Variants in WNT16 observed in about 807,000 individuals in gnomAD.
WNT16 encodes Wnt family member 16.
A neutral mutation model predicts 35.4 loss-of-function variants in WNT16; 20 were observed. The observed-to-expected ratio is 0.56, with a 90% CI of 0.40 to 0.82. The LOEUF (loss-of-function observed/expected upper bound fraction) is 0.82. Among genes scored for constraint, WNT16 ranks in the 40% least tolerant of loss-of-function variants. The pLI is 0.00. For synonymous variants in WNT16, 180 were observed against 179.2 expected (o/e 1.00, Z -0.03); for missense variants, 461 against 466.0 (o/e 0.99, Z 0.10).
rs922384178 is a variant in WNT16 at position 121,340,808 on chromosome 7, A to C, written c.*1463A>C. 5 of 152,252 alleles carry C rather than the reference A, an allele frequency of 3.3e-5. No homozygotes were observed. Among genetic ancestry groups the C allele is most frequent in the Non-Finnish European group, 5.9e-5 (4 of 67,960 alleles). 9.4% of individuals were successfully genotyped at this position (152,252 alleles called of 1,614,324 possible). On this transcript the variant is annotated 3_prime_UTR_variant, in exon 4 of 4. Coordinates refer to ENST00000222462, the MANE Select transcript of WNT16 (RefSeq NM_057168.2). ...TCATATTTTACAAGGTTCCTGGTAA[A>C]AATTACAGGGCTCTATTTAAGGATG...
At chr7:121,329,477 G>C (rs1562874670) in intron 1 of WNT16, 90 bp downstream of exon 1, 2 of 1,593,296 alleles carry the variant, frequency 1.3e-6, no homozygotes, top group Non-Finnish European at 1.7e-6. Context: ...GGGGGAGAAG[G>C]GCGGGGACCC....
upstream of WNT16, among the ~76,000 whole-genome samples, chr7:121,327,593 G>A (rs2707522): frequency 0.17 from 25,530 of 151,774 alleles, 2,321 homozygotes; most frequent in African/African-American, 0.22. Flanking sequence ...CTGGTGATCC[G>A]CCCATCTTGG....
In WNT16 at chr7:121,339,010, A is replaced by G; in HGVS notation, c.763A>G (p.Asn255Asp). 2 of 1,614,174 alleles carry G rather than the reference A, an allele frequency of 1.2e-6. No homozygotes were observed. The highest frequency in any genetic ancestry group is 1.3e-5 in the African/African-American group (1 of 75,058). The change falls in exon 4 of 4, where the codon AAC becomes GAC. Residue 255 changes from asparagine (N) to aspartate (D), a missense_variant. Physicochemically the swap from Asn to Asp is conservative, Grantham distance 23. Coordinates refer to ENST00000222462, the MANE Select transcript of WNT16 (RefSeq NM_057168.2). The part of the protein sequence containing the change: ...IGHLLKDKYE[N>D]SIQISDKTKR... ...CCATTTGTTGAAGGATAAATATGAA[A>G]ACAGTATCCAGATATCAGACAAAAC...
chr7:121,337,614 A>G (rs951502048), intron 3 of WNT16, among the ~76,000 whole-genome samples: 1 of 152,136 alleles, frequency 6.6e-6, no homozygotes, highest in African/African-American at 2.4e-5. Context: ...CGATTTATTA[A>G]TCTGTTCTGC....
intron 2 of WNT16, among the ~76,000 whole-genome samples, chr7:121,331,127 G>A (rs1295027734): frequency 6.6e-6 from 1 of 152,164 alleles, no homozygotes; most frequent in African/African-American, 2.4e-5. Flanking sequence ...TCTTTAATGT[G>A]AAAATATACG....
intron 3 of WNT16, among the ~76,000 whole-genome samples, chr7:121,335,726 A>G (rs1350040886): frequency 2.6e-5 from 4 of 151,980 alleles, no homozygotes; most frequent in Admixed American, 6.6e-5. Context: ...ATATACTTGC[A>G]TTTTCCACTT....
chr7:121,338,889 CA>C lies in WNT16; in HGVS notation c.644del (p.Lys215SerfsTer2). 6.2e-7 allele frequency: 1 copy of C among 1,611,514 alleles called. No homozygotes were observed. The stretch of plus-strand genomic sequence containing the variant: ...ATTACTGTTGGTTTCAGGCTGTCGC[CA>C]AGTTGATGTCAGTAGACTGCCGCTG... Reference protein sequence around the residue: ...NNEAGRQAVAKLMSVDCRCHG... With the variant: ...NNEAGRQAVAXLMSVDCRCHG... On this transcript the variant is annotated frameshift_variant, in exon 4 of 4. Transcript: ENST00000222462. LOFTEE classifies it high-confidence loss of function.
Position 121,329,645 on chromosome 7 carries a change from G to A in WNT16, c.174G>A (p.Glu58=). The part of the protein sequence containing the change: ...ANLPLNSRQK[E]LCKRKPYLLP... The stretch of plus-strand genomic sequence containing the variant: ...TGCCGCTGAACAGCCGCCAGAAGGA[G>A]CTGTGCAAGAGGAAACCGTACCTGC... Residue 58 remains glutamate (E), a synonymous_variant, in exon 2 of 4, where the codon GAG becomes GAA. Coordinates refer to ENST00000222462, the MANE Select transcript of WNT16 (RefSeq NM_057168.2). 1 of 1,614,214 alleles carries A rather than the reference G, an allele frequency of 6.2e-7. No individual in the cohort carries two copies.
rs569967141 is a variant in WNT16 at position 121,333,084 on chromosome 7, T to G, written c.633+1120T>G. On this transcript the variant is annotated intron_variant, in intron 3 of 3. Transcript: ENST00000222462. ...GTAATAAACTTTTTCAGGACAGAAA[T>G]ATTAGCACATATCATATATTCTTGT... 1.8e-4 allele frequency among the ~76,000 whole-genome samples: 28 copies of G among 152,136 alleles called. No homozygotes were observed. The South Asian group carries it at 5.8e-3, about 31-fold the overall frequency.
At chr7:121,332,214 A>C (rs886491908) in intron 3 of WNT16, among the ~76,000 whole-genome samples, 1 of 150,066 alleles carries the variant, frequency 6.7e-6, no homozygotes, top group South Asian at 2.1e-4. Flanking sequence ...GATGAATAGG[A>C]GGCTTTGATT....
chr7:121,337,476 T>G (rs931667651), intron 3 of WNT16, among the ~76,000 whole-genome samples: 1 of 152,244 alleles, frequency 6.6e-6, no homozygotes, highest in Non-Finnish European at 1.5e-5. Context: ...TAAGTGGAAT[T>G]TAAACTGTGA....
At chr7:121,337,327 C>T (rs2707467) in intron 3 of WNT16, among the ~76,000 whole-genome samples, 38,123 of 152,066 alleles carry the variant, frequency 0.25, 6,032 homozygotes, top group African/African-American at 0.46. Context: ...TATTTGTGTG[C>T]AATATTGTCT....
intron 3 of WNT16, among the ~76,000 whole-genome samples, chr7:121,337,445 T>G (rs1255534302): frequency 6.6e-6 from 1 of 152,218 alleles, no homozygotes; most frequent in Non-Finnish European, 1.5e-5. Flanking sequence ...CCCTGTCATT[T>G]TATTGTTTTC....
upstream of WNT16, among the ~76,000 whole-genome samples, chr7:121,328,830 C>G (rs565367676): frequency 6.6e-6 from 1 of 152,314 alleles, no homozygotes; most frequent in South Asian, 2.1e-4. Context: ...ACACGCTGTC[C>G]CTGAGGCCAG....
chr7:121,329,352 C>T lies in WNT16; in HGVS notation c.60C>T (p.Leu20=). ...TGTGCGCGCTGTGGGCAGCCCTGCT[C>T]GTGCTGTTCCCCTACGGAGCCCAAG... ...ARLCALWAAL[L]VLFPYGAQGN... The change falls in exon 1 of 4, where the codon CTC becomes CTT. Residue 20 remains leucine, a synonymous_variant. Transcript: ENST00000222462. The T allele has an allele frequency of 6.2e-7, 1 of 1,607,866 alleles. No individual in the cohort carries two copies. The highest frequency in any genetic ancestry group is 1.1e-5 in the South Asian group (1 of 90,178).
chr7:121,326,474 C>A (rs1169571518), upstream of WNT16, among the ~76,000 whole-genome samples: 1 of 152,176 alleles, frequency 6.6e-6, no homozygotes, highest in Non-Finnish European at 1.5e-5. Context: ...ACACAGTGGT[C>A]TCTGACTCTC....
Position 121,339,554 on chromosome 7 carries a change from G to A in WNT16, c.*209G>A. On this transcript the variant is annotated 3_prime_UTR_variant, in exon 4 of 4. Coordinates refer to ENST00000222462, the MANE Select transcript of WNT16 (RefSeq NM_057168.2). ...CATGTGGATTTCTTGGGATTCTAAT[G>A]TTGAAAAGGTTTATATTCACCTTTT... The A allele has an allele frequency of 3.7e-6, 2 of 541,666 alleles. No individual in the cohort carries two copies. Among genetic ancestry groups the A allele is most frequent in the Non-Finnish European group, 6.5e-6 (2 of 306,140 alleles). 33.6% of individuals were successfully genotyped at this position (541,666 alleles called of 1,614,324 possible). A position where few individuals can be genotyped will look rare whatever the true frequency, so the allele number is the denominator to read the frequency against.
Position 121,338,947 on chromosome 7 carries a change from A to G in WNT16, c.700A>G (p.Thr234Ala), listed in dbSNP as rs143816142. Residue 234 changes from threonine (T) to alanine (A), a missense_variant, in exon 4 of 4, where the codon ACA (threonine) becomes GCA (alanine). By Grantham distance (58) the Thr-to-Ala change is moderately conservative (BLOSUM62 0). Coordinates refer to ENST00000222462, the MANE Select transcript of WNT16 (RefSeq NM_057168.2). The part of the protein sequence containing the change: ...HGVSGSCAVK[T>A]CWKTMSSFEK... Reference sequence around the variant, plus strand: ...AGTTTCCGGCTCCTGTGCTGTGAAAACATGCTGGAAAACCATGTCTTCTTT... The same window carrying G: ...AGTTTCCGGCTCCTGTGCTGTGAAAGCATGCTGGAAAACCATGTCTTCTTT... The G allele has an allele frequency of 6.2e-7, 1 of 1,614,158 alleles. No individual in the cohort carries two copies. The highest frequency in any genetic ancestry group is 1.3e-5 in the African/African-American group (1 of 75,060).
intron 3 of WNT16, among the ~76,000 whole-genome samples, chr7:121,334,373 T>G (rs551748208): frequency 6.6e-6 from 1 of 152,222 alleles, no homozygotes; most frequent in South Asian, 2.1e-4. Context: ...GAGTTTTGTA[T>G]TTTTCTTTCT....
Sources: gnomAD v4.1 joint callset for allele counts (sites outside exome capture counted in the v4.1 genomes callset) on GRCh38, gnomAD v4.1.1 for gene constraint, MANE v1.5 for transcripts, NCBI Gene and HGNC (gene_info 2026-07-23, HGNC 2026-07-21) for gene names.